The following STRADA variants were observed in gnomAD, a reference collection of about 807,000 sequenced individuals.
STRADA encodes STE20 related adaptor alpha.
Under a neutral mutation model 55.0 loss-of-function variants are expected in STRADA, and 26 were observed. The ratio of observed to expected loss-of-function variants is 0.47; its 90% CI spans 0.35 to 0.66. The LOEUF is 0.66. Among genes scored for constraint, STRADA ranks in the 30% least tolerant of loss-of-function variants. The probability of loss-of-function intolerance (pLI) is 0.01; values close to 1 mark genes in which losing one functional copy is unlikely to be tolerated. For synonymous variants in STRADA, 197 were observed against 210.9 expected, an observed-to-expected ratio of 0.93 and a Z score of 0.57; for missense variants, 443 against 549.7, an observed-to-expected ratio of 0.81 and a Z score of 1.94.
Position 63,723,154 on chromosome 17 carries a change from A to G in STRADA, c.123+144T>C, listed in dbSNP as rs2037422521. The G allele has an allele frequency of 3.9e-5, 41 of 1,043,562 alleles. 1 individual carries two copies. In the South Asian group the frequency reaches 6.0e-4, roughly 15 times the overall value. 64.6% of individuals were successfully genotyped at this position (1,043,562 alleles called of 1,614,324 possible). A position where few individuals can be genotyped will look rare whatever the true frequency, so the allele number is the denominator to read the frequency against. The stretch of plus-strand genomic sequence containing the variant: ...TTTCCAGGGTGAAACCTGAATCTCC[A>G]CAAGTACAAAAATCACACTACAAAT... On this transcript the variant is annotated intron_variant, in intron 4 of 12. Coordinates refer to ENST00000336174, the MANE Select transcript of STRADA (RefSeq NM_001003787.4).
At position 63,703,200 on chromosome 17, in the gene STRADA, G is replaced by T; in HGVS notation, c.*399C>A. 5.6e-6 allele frequency: 1 copy of T among 178,148 alleles called. No homozygotes were observed. The highest frequency in any genetic ancestry group is 1.2e-5 in the Non-Finnish European group (1 of 82,520). The allele number at this position is 178,148 out of a possible 1,614,324, so 11.0% of individuals were successfully genotyped here. ...GACCTATAGCATCTGAGGCATCTGAGAGCAAAGTTAAATAGAATGAGGCTG... is the reference window on the plus strand; with the variant it reads ...GACCTATAGCATCTGAGGCATCTGATAGCAAAGTTAAATAGAATGAGGCTG... On this transcript the variant is annotated 3_prime_UTR_variant, in exon 13 of 13. Coordinates refer to ENST00000336174, the MANE Select transcript of STRADA (RefSeq NM_001003787.4).
chr17:63,705,140 G>A (rs931056052), intron 10 of STRADA: 68 of 598,592 alleles, frequency 1.1e-4, no homozygotes, highest in African/African-American at 4.3e-4. Flanking sequence ...TGCTGTCCTC[G>A]TGGAAGTCCT....
Position 63,703,394 on chromosome 17 carries a change from A to G in STRADA, c.*205T>C, listed in dbSNP as rs1383895003. Reference sequence around the variant, plus strand: ...GGACCCTCCTGATCCCTGGTTGTTGAGATTCCCTTGTGTCTCAAAAGCCTT... The same window carrying G: ...GGACCCTCCTGATCCCTGGTTGTTGGGATTCCCTTGTGTCTCAAAAGCCTT... On this transcript the variant is annotated 3_prime_UTR_variant, in exon 13 of 13. Coordinates refer to ENST00000336174, the MANE Select transcript of STRADA (RefSeq NM_001003787.4). 5.3e-6 allele frequency: 3 copies of G among 561,626 alleles called. No individual in the cohort carries two copies. The highest frequency in any genetic ancestry group is 3.8e-5 in the African/African-American group (2 of 52,904). The allele number at this position is 561,626 out of a possible 1,614,324, so 34.8% of individuals were successfully genotyped here.
chr17:63,714,225 C>T (rs2036705387), intron 4 of STRADA, 117 bp from the exon 5 acceptor site: 2 of 717,860 alleles, frequency 2.8e-6, no homozygotes, highest in South Asian at 2.9e-5. Context: ...CACACAAATC[C>T]CGACTCAGTG....
intron 1 of STRADA, among the ~76,000 whole-genome samples, chr17:63,740,147 T>TACACACAC (rs57585655): frequency 0.014 from 909 of 66,782 alleles, 79 homozygotes; most frequent in South Asian, 0.016. Context: ...TATATATATA[T>TACACACAC]ACACACACAC....
intron 2 of STRADA, chr17:63,727,144 C>T (rs1044656759): frequency 6.0e-6 from 1 of 168,018 alleles, no homozygotes; most frequent in Non-Finnish European, 1.3e-5. Flanking sequence ...TATTCTTTAT[C>T]CACTAGGGGT....
rs566855482 is a variant in STRADA, at chr17:63,715,202, T to C, written c.124-1094A>G. On this transcript the variant is annotated intron_variant, in intron 4 of 12. Coordinates refer to ENST00000336174, the MANE Select transcript of STRADA (RefSeq NM_001003787.4). Reference sequence around the variant, plus strand: ...AAACCATAAAGATGACGGTGCTCTATACCTGTAAGATGACCAGAGTATACT... The same window carrying C: ...AAACCATAAAGATGACGGTGCTCTACACCTGTAAGATGACCAGAGTATACT... 2.0e-5 allele frequency: 3 copies of C among 152,342 alleles called. No homozygotes were observed. The East Asian group carries it at 5.8e-4, about 29-fold the overall frequency. 9.4% of individuals were successfully genotyped at this position (152,342 alleles called of 1,614,324 possible).
chr17:63,740,147 T>TATACACATACATATATACACACAC (rs1401201419), intron 1 of STRADA, among the ~76,000 whole-genome samples: 1 of 67,008 alleles, frequency 1.5e-5, no homozygotes, highest in Non-Finnish European at 2.7e-5. Flanking sequence ...TATATATATA[T>TATACACATACATATATACACACAC]ACACACACAC....
Position 63,707,394 on chromosome 17 carries a change from C to T in STRADA, c.606G>A (p.Leu202=), listed in dbSNP as rs1405826175. 1 of 1,613,884 alleles carries T rather than the reference C, an allele frequency of 6.2e-7. No individual in the cohort carries two copies. Among genetic ancestry groups the T allele is most frequent in the African/African-American group, 1.3e-5 (1 of 74,912 alleles). ...VHRSVKASHI[L]ISVDGKVYLS... ...GGTAGACCTTCCCATCCACAGAGAT[C>T]AGGATGTGGCTGGCTTTGACACTCC... Residue 202 remains leucine, a synonymous_variant, in exon 9 of 13, where the codon CTG becomes CTA. Transcript: ENST00000336174.
intron 2 of STRADA, 85 bp from the exon 3 acceptor site, chr17:63,726,780 T>A (rs551999416): frequency 4.0e-4 from 538 of 1,361,176 alleles, no homozygotes; most frequent in Non-Finnish European, 5.4e-4. Context: ...ACAAACAAAA[T>A]CCCAACTATG....
Position 63,713,489 on chromosome 17 carries a change from T to C in STRADA, c.265A>G (p.Arg89Gly), listed in dbSNP as rs2143909923. The C allele has an allele frequency of 6.2e-7, 1 of 1,614,192 alleles. No individual in the cohort carries two copies. The highest frequency in any genetic ancestry group is 2.2e-5 in the East Asian group (1 of 44,886). Residue 89 changes from arginine to glycine, a missense_variant, in exon 6 of 13, where the codon AGG becomes GGG. By Grantham distance (125) the Arg-to-Gly change is moderately radical. Transcript: ENST00000336174. ...ACGTACTCTCCTGTTGGTTTGTACCTTGCTAGATTCACAGTCATCAGGTCC... is the reference window on the plus strand; with the variant it reads ...ACGTACTCTCCTGTTGGTTTGTACCCTGCTAGATTCACAGTCATCAGGTCC... ...FEDLMTVNLA[R>G]YKPTGEYVTV...
Position 63,710,503 on chromosome 17 carries a change from C to G in STRADA, c.569G>C (p.Gly190Ala), listed in dbSNP as rs2036424727. The change falls in exon 8 of 13, where the codon GGA (glycine) becomes GCA (alanine). Residue 190 changes from glycine to alanine, a missense_variant. Coordinates refer to ENST00000336174, the MANE Select transcript of STRADA (RefSeq NM_001003787.4). ...LKALDYIHHMGYVHRSVKASH... is the reference protein window; with the variant it reads ...LKALDYIHHMAYVHRSVKASH... The stretch of plus-strand genomic sequence containing the variant: ...CCTAAGAACGCACCTGTGTACATAT[C>G]CCATGTGGTGGATGTAGTCGAGGGC... 1 of 1,613,750 alleles carries G rather than the reference C, an allele frequency of 6.2e-7. No individual in the cohort carries two copies. Among genetic ancestry groups the G allele is most frequent in the East Asian group, 2.2e-5 (1 of 44,876 alleles).
At chr17:63,707,119 GCTCC>G (rs1598158741) in intron 9 of STRADA, 124 bp downstream of exon 9, 9 of 1,215,410 alleles carry the variant, frequency 7.4e-6, no homozygotes, top group Non-Finnish European at 9.2e-6. Flanking sequence ...CACGCTGAGG[GCTCC>G]CTCCCTCCAG....
chr17:63,739,688 T>C (rs8067431), intron 1 of STRADA, among the ~76,000 whole-genome samples: 34,343 of 146,094 alleles, frequency 0.24, 4,209 homozygotes, highest in Middle Eastern at 0.35. Flanking sequence ...TATATGTACA[T>C]AGTGTATTAA....
chr17:63,710,961 A>C, intron 6 of STRADA, 125 bp from the exon 7 acceptor site: 1 of 849,468 alleles, frequency 1.2e-6, no homozygotes, highest in Non-Finnish European at 1.8e-6. Flanking sequence ...AGTCATGGGA[A>C]CAGCCTAAGC....
chr17:63,707,170 G>A (rs1022010354), intron 9 of STRADA, 77 bp downstream of exon 9: 61 of 1,574,590 alleles, frequency 3.9e-5, no homozygotes, highest in South Asian at 3.7e-4. Context: ...GAGAGCCCCC[G>A]ACTCCAGGCA....
intron 8 of STRADA, 84 bp from the exon 9 acceptor site, chr17:63,707,502 A>T: frequency 7.4e-7 from 1 of 1,343,064 alleles, no homozygotes; most frequent in East Asian, 2.3e-5. Context: ...CCACCTGGCC[A>T]GCTCTCTCCT....
chr17:63,740,167 C>CAG (rs71914944), intron 1 of STRADA, among the ~76,000 whole-genome samples: 1 of 141,438 alleles, frequency 7.1e-6, no homozygotes, highest in Non-Finnish European at 1.5e-5. Context: ...CACACACACA[C>CAG]ACACACACAC....
chr17:63,726,687 G>A lies in STRADA; in HGVS notation c.45C>T (p.Val15=). ...VSKPERIRRW[V]SEKFIVEGLR... The stretch of plus-strand genomic sequence containing the variant: ...AGCCCTCAACAATGAACTTTTCCGA[G>A]ACCCACCGCTAAAGAGGAAAACCCC... The change falls in exon 3 of 13, where the codon GTC becomes GTT. Residue 15 remains valine, a synonymous_variant. Coordinates refer to ENST00000336174, the MANE Select transcript of STRADA (RefSeq NM_001003787.4). 6.2e-7 allele frequency: 1 copy of A among 1,613,988 alleles called. No individual in the cohort carries two copies.
Sources: allele counts gnomAD v4.1 joint callset (sites outside exome capture counted in the v4.1 genomes callset), GRCh38; gene constraint gnomAD v4.1.1; transcripts MANE v1.5; gene names NCBI Gene and HGNC (gene_info 2026-07-23, HGNC 2026-07-21).